PXDNL: variants seen among roughly 807,000 people sequenced by gnomAD.
The protein encoded by PXDNL is probable oxidoreductase PXDNL.
In PXDNL, 145 loss-of-function variants were observed where a neutral mutation model predicts 150.8. The ratio of observed to expected loss-of-function variants is 0.96; its 90% CI spans 0.84 to 1.10. The LOEUF is 1.10. Among genes scored for constraint, PXDNL ranks in the 50% least tolerant of loss-of-function variants. The probability of loss-of-function intolerance (pLI) is 0.00; values close to 1 mark genes in which losing one functional copy is unlikely to be tolerated. For missense variants in PXDNL, 2,087 were observed against 1,873.9 expected (o/e 1.11, Z -2.10); for synonymous variants, 757 against 725.7 (o/e 1.04, Z -0.69).
rs57775390 is a variant in PXDNL, at chr8:51,537,092, G to A, written c.380+19748C>T. Among the ~76,000 whole-genome samples the A allele has an allele frequency of 4.8e-3, 726 of 152,230 alleles. 8 individuals are homozygous for A. The highest frequency in any genetic ancestry group is 0.016 in the African/African-American group (652 of 41,536). On this transcript the variant is annotated intron_variant, in intron 4 of 22. Transcript: ENST00000356297. ...CAAACATAAATCCCAGATAAGACTC[G>A]GATAGTATCTCTAGGACATGTAATA... is the stretch of plus-strand genomic sequence containing the variant.
intron 17 of PXDNL, among the ~76,000 whole-genome samples, chr8:51,407,653 AT>A (rs1181087476): frequency 1.3e-5 from 2 of 152,180 alleles, no homozygotes; most frequent in East Asian, 3.8e-4. Context: ...ACAAAAAATA[AT>A]TTGTTTTTAT....
chr8:51,436,536 T>C, intron 12 of PXDNL: 1 of 242,288 alleles, frequency 4.1e-6, no homozygotes, highest in South Asian at 6.3e-5. Flanking sequence ...TGGAATAAAA[T>C]TGAAAATCAA....
Position 51,649,767 on chromosome 8 carries a change from C to A in PXDNL, c.236+4922G>T, listed in dbSNP as rs567473678. ...ACATTTTATTGACTTTAGAAAAATT[C>A]TCATTATTGATCTGTTTTGCAGATG... On this transcript the variant is annotated intron_variant, in intron 2 of 22. Coordinates refer to ENST00000356297, the MANE Select transcript of PXDNL (RefSeq NM_144651.5). Among the ~76,000 whole-genome samples the A allele has an allele frequency of 4.0e-5, 6 of 151,198 alleles. No individual in the cohort carries two copies. The East Asian group carries it at 9.7e-4, about 25-fold the overall frequency.
chr8:51,336,098 T>C (rs1246434488), intron 21 of PXDNL, among the ~76,000 whole-genome samples: 1 of 152,156 alleles, frequency 6.6e-6, no homozygotes, highest in Non-Finnish European at 1.5e-5. Context: ...TAGCTGAAGT[T>C]TGGAATCCCC....
chr8:51,363,614 G>A (rs1008525743), intron 19 of PXDNL, among the ~76,000 whole-genome samples: 1 of 152,132 alleles, frequency 6.6e-6, no homozygotes, highest in African/African-American at 2.4e-5. Context: ...TAACATAACC[G>A]ATTAGGTCAG....
At chr8:51,350,516 G>A (rs921550583) in intron 19 of PXDNL, among the ~76,000 whole-genome samples, 1 of 151,646 alleles carries the variant, frequency 6.6e-6, no homozygotes, top group African/African-American at 2.4e-5. Flanking sequence ...CACACTACCC[G>A]GCTAATTTTT....
At chr8:51,370,957 G>A (rs1807094974) in intron 19 of PXDNL, among the ~76,000 whole-genome samples, 1 of 152,132 alleles carries the variant, frequency 6.6e-6, no homozygotes, top group African/African-American at 2.4e-5. Context: ...CAAATCTCTA[G>A]TACTACTTAG....
At chr8:51,607,981 GGA>G (rs1360686973) in intron 2 of PXDNL, among the ~76,000 whole-genome samples, 2 of 124,412 alleles carry the variant, frequency 1.6e-5, no homozygotes, top group African/African-American at 7.8e-5. Flanking sequence ...AAGGAAGGAA[GGA>G]AGAGAGAGAG....
intron 3 of PXDNL, among the ~76,000 whole-genome samples, chr8:51,561,654 A>G (rs547844578): frequency 6.6e-6 from 1 of 152,094 alleles, no homozygotes; most frequent in South Asian, 2.1e-4. Flanking sequence ...TTCCTCTTGT[A>G]TGAGGAAGAT....
At chr8:51,798,037 G>C (rs531159665) in intron 1 of PXDNL, among the ~76,000 whole-genome samples, 2 of 152,194 alleles carry the variant, frequency 1.3e-5, no homozygotes, top group African/African-American at 4.8e-5. Flanking sequence ...TCTACAATCA[G>C]CTGATCTTCA....
chr8:51,680,651 C>T (rs1008062162), intron 1 of PXDNL, among the ~76,000 whole-genome samples: 2 of 152,124 alleles, frequency 1.3e-5, no homozygotes, highest in South Asian at 2.1e-4. Context: ...TGTCATCTCA[C>T]GGAGGTGCGA....
intron 21 of PXDNL, among the ~76,000 whole-genome samples, chr8:51,336,012 A>C (rs1805822921): frequency 1.3e-5 from 2 of 152,208 alleles, no homozygotes; most frequent in South Asian, 4.1e-4. Context: ...ACAGTGTGAA[A>C]TGTCAAGACA....
chr8:51,584,288 A>T (rs939609229), intron 3 of PXDNL, among the ~76,000 whole-genome samples: 1 of 152,156 alleles, frequency 6.6e-6, no homozygotes. Context: ...AAACCTGCTG[A>T]GTGACCAGTC....
At chr8:51,575,843 A>C (rs1169221625) in intron 3 of PXDNL, among the ~76,000 whole-genome samples, 2 of 152,102 alleles carry the variant, frequency 1.3e-5, no homozygotes, top group Non-Finnish European at 2.9e-5. Context: ...TCATGCAAAC[A>C]TCAATCAAAA....
At chr8:51,627,229 C>A (rs1814380071) in intron 2 of PXDNL, among the ~76,000 whole-genome samples, 1 of 152,094 alleles carries the variant, frequency 6.6e-6, no homozygotes, top group Non-Finnish European at 1.5e-5. Flanking sequence ...TGAATACTAG[C>A]AGGTCACTAG....
rs138506010 is a variant in PXDNL at position 51,519,406 on chromosome 8, G to A, written c.381-19636C>T. Among the ~76,000 whole-genome samples, 6 of 152,054 alleles carry A rather than the reference G, an allele frequency of 3.9e-5. No homozygotes were observed. The East Asian group carries it at 9.7e-4, about 25-fold the overall frequency. On this transcript the variant is annotated intron_variant, in intron 4 of 22. Transcript: ENST00000356297. ...AAATTAGCCAGGCGTGGTGGTGTGC[G>A]CCTATAATCCCAGGTACTTGGGAGA...
In PXDNL at chr8:51,411,181, C is replaced by T; in HGVS notation, c.2062+69G>A. ...ATTCTGGAGATTAAAAGTTCAGTGT[C>T]CTTTGCTAAGGTGGTGGTCAGTTTT... On this transcript the variant is annotated intron_variant, in intron 16 of 22. Transcript: ENST00000356297. 3 of 1,244,316 alleles carry T rather than the reference C, an allele frequency of 2.4e-6. No homozygotes were observed. In the South Asian group the frequency reaches 8.6e-5, roughly 35 times the overall value. 77.1% of individuals were successfully genotyped at this position (1,244,316 alleles called of 1,614,324 possible).
chr8:51,595,078 G>A (rs1813535262), intron 2 of PXDNL, among the ~76,000 whole-genome samples: 1 of 152,102 alleles, frequency 6.6e-6, no homozygotes, highest in African/African-American at 2.4e-5. Flanking sequence ...ATGTAAAAAT[G>A]TTACAGTTTT....
At chr8:51,666,842 A>C (rs1383305015) in intron 1 of PXDNL, among the ~76,000 whole-genome samples, 1 of 152,044 alleles carries the variant, frequency 6.6e-6, no homozygotes, top group African/African-American at 2.4e-5. Flanking sequence ...AAAGCAAACT[A>C]TGTTGGTTTT....
Sources: gnomAD v4.1 joint callset for allele counts (sites outside exome capture counted in the v4.1 genomes callset) on GRCh38, gnomAD v4.1.1 for gene constraint, MANE v1.5 for transcripts, NCBI Gene and HGNC (gene_info 2026-07-23, HGNC 2026-07-21) for gene names.